Variants in NTM observed in about 807,000 individuals in gnomAD.
NTM encodes neurotrimin.
Under a neutral mutation model 42.1 loss-of-function variants are expected in NTM, and 13 were observed. The observed-to-expected ratio is 0.31, with a 90% CI of 0.20 to 0.49. NTM has a LOEUF of 0.49. NTM is among the 20% of genes least tolerant of loss of function. The probability of loss-of-function intolerance (pLI) is 0.99; values close to 1 mark genes in which losing one functional copy is unlikely to be tolerated. For synonymous variants in NTM, 187 were observed against 179.2 expected, an observed-to-expected ratio of 1.04 and a Z score of -0.35; for missense variants, 373 against 452.8, an observed-to-expected ratio of 0.82 and a Z score of 1.60.
At chr11:131,859,062 T>A (rs2046368716) in intron 1 of NTM, among the ~76,000 whole-genome samples, 1 of 152,142 alleles carries the variant, frequency 6.6e-6, no homozygotes, top group Non-Finnish European at 1.5e-5. Flanking sequence ...TCAAAGTCTA[T>A]TTTCCCCTTC....
intron 2 of NTM, among the ~76,000 whole-genome samples, chr11:132,090,084 C>T (rs529394009): frequency 5.9e-5 from 9 of 152,232 alleles, no homozygotes; most frequent in African/African-American, 9.6e-5. Context: ...TATCCCCATT[C>T]ACAGACAAGA....
intron 1 of NTM, among the ~76,000 whole-genome samples, chr11:131,839,079 G>C (rs1320791981): frequency 6.6e-6 from 1 of 151,594 alleles, no homozygotes; most frequent in African/African-American, 2.4e-5. Context: ...TCCTGCCTCA[G>C]CCTCCTGAGT....
chr11:132,210,550 T>C (rs1483105784), intron 3 of NTM, among the ~76,000 whole-genome samples: 1 of 152,186 alleles, frequency 6.6e-6, no homozygotes, highest in Admixed American at 6.5e-5. Context: ...CTGTCTAGAA[T>C]TGGAGTGTGG....
intron 1 of NTM, among the ~76,000 whole-genome samples, chr11:131,437,609 C>G (rs1374175272): frequency 6.6e-6 from 1 of 152,158 alleles, no homozygotes; most frequent in Admixed American, 6.5e-5. Flanking sequence ...ATTGCAACCT[C>G]TGCTTTTTAT....
intron 1 of NTM, among the ~76,000 whole-genome samples, chr11:131,870,832 C>T (rs1036297270): frequency 3.3e-5 from 5 of 152,118 alleles, no homozygotes; most frequent in East Asian, 1.9e-4. Flanking sequence ...AGCTTATCTT[C>T]GGTCTCCCCA....
intron 4 of NTM, 47 bp downstream of exon 4, chr11:132,212,194 A>T (rs762497451): frequency 1.9e-6 from 3 of 1,562,076 alleles, no homozygotes; most frequent in Non-Finnish European, 2.6e-6. Flanking sequence ...AAATGGGGGA[A>T]TTTTGGGCCT....
intron 1 of NTM, among the ~76,000 whole-genome samples, chr11:131,744,135 C>A (rs2081510742): frequency 1.3e-5 from 2 of 152,066 alleles, no homozygotes; most frequent in Admixed American, 1.3e-4. Flanking sequence ...TCCTGATTTC[C>A]CCATCTGTGA....
At chr11:131,687,119 G>A (rs1030017419) in intron 1 of NTM, among the ~76,000 whole-genome samples, 12 of 152,224 alleles carry the variant, frequency 7.9e-5, no homozygotes, top group African/African-American at 1.7e-4. Flanking sequence ...TCAGGGCTCA[G>A]TCCCAGGGCC....
At chr11:131,618,515 T>G (rs2062182952) in intron 1 of NTM, among the ~76,000 whole-genome samples, 1 of 152,172 alleles carries the variant, frequency 6.6e-6, no homozygotes, top group African/African-American at 2.4e-5. Context: ...TCAGTATTGC[T>G]TGGGGCTCCT....
intron 6 of NTM, among the ~76,000 whole-genome samples, chr11:132,310,841 C>A (rs992639118): frequency 6.6e-6 from 1 of 152,168 alleles, no homozygotes; most frequent in Non-Finnish European, 1.5e-5. Flanking sequence ...ATGATCATTT[C>A]CAGGCTTTAT....
intron 2 of NTM, among the ~76,000 whole-genome samples, chr11:131,973,442 A>G: frequency 6.6e-6 from 1 of 152,246 alleles, no homozygotes; most frequent in African/African-American, 2.4e-5. Context: ...CATGTGAAGC[A>G]TCCATGCTTG....
intron 2 of NTM, among the ~76,000 whole-genome samples, chr11:132,028,629 C>T (rs751573747): frequency 1.3e-5 from 2 of 152,044 alleles, no homozygotes; most frequent in Non-Finnish European, 2.9e-5. Flanking sequence ...TGTGCCCCTG[C>T]GCCGTGAGCT....
At chr11:131,602,608 G>C (rs943214435) in intron 1 of NTM, among the ~76,000 whole-genome samples, 11 of 152,010 alleles carry the variant, frequency 7.2e-5, no homozygotes, top group Non-Finnish European at 1.5e-5. Context: ...CATTTAAATG[G>C]CATCTTTATG....
At chr11:132,128,101 G>C (rs566971166) in intron 2 of NTM, among the ~76,000 whole-genome samples, 14 of 152,320 alleles carry the variant, frequency 9.2e-5, no homozygotes, top group African/African-American at 3.1e-4. Flanking sequence ...TGGGGTTGTA[G>C]ATGAAGTCTG....
chr11:131,400,344 C>A (rs1400937042), intron 1 of NTM, among the ~76,000 whole-genome samples: 5 of 152,150 alleles, frequency 3.3e-5, no homozygotes, highest in Non-Finnish European at 7.4e-5. Flanking sequence ...GAAGACCATG[C>A]TCATTTTCTC....
intron 1 of NTM, among the ~76,000 whole-genome samples, chr11:131,475,859 A>C (rs539050833): frequency 3.7e-4 from 56 of 152,322 alleles, no homozygotes; most frequent in African/African-American, 1.3e-3. Context: ...TGTTACTGTG[A>C]AAAGATTGGG....
chr11:132,089,668 C>G (rs1594561554), intron 2 of NTM, among the ~76,000 whole-genome samples: 1 of 152,300 alleles, frequency 6.6e-6, no homozygotes, highest in East Asian at 1.9e-4. Flanking sequence ...CATTTGTAAA[C>G]TACTGATTTC....
At chr11:131,662,702 G>A (rs1277950970) in intron 1 of NTM, among the ~76,000 whole-genome samples, 2 of 152,128 alleles carry the variant, frequency 1.3e-5, no homozygotes, top group East Asian at 1.9e-4. Context: ...CAACATAATC[G>A]CTTCTTGGTC....
At chr11:131,872,893 G>A (rs936515789) in intron 1 of NTM, among the ~76,000 whole-genome samples, 9 of 152,088 alleles carry the variant, frequency 5.9e-5, no homozygotes, top group Non-Finnish European at 7.4e-5. Flanking sequence ...TGGTATTTCT[G>A]CTTCTAGATC....
Sources: allele counts gnomAD v4.1 joint callset (sites outside exome capture counted in the v4.1 genomes callset), GRCh38; gene constraint gnomAD v4.1.1; transcripts MANE v1.5; gene names NCBI Gene and HGNC (gene_info 2026-07-23, HGNC 2026-07-21).